The following ADAMTS17 variants were observed in gnomAD, a reference collection of about 807,000 sequenced individuals.
ADAMTS17 encodes ADAM metallopeptidase with thrombospondin type 1 motif 17, also known as A disintegrin and metalloproteinase with thrombospondin motifs 17.
ADAMTS17 carries 113 observed loss-of-function variants against 141.5 expected under a neutral mutation model. That is an observed-to-expected ratio of 0.80 (90% confidence interval 0.69 to 0.93). The LOEUF (loss-of-function observed/expected upper bound fraction) is 0.93, where lower values mean the gene tolerates loss of function less well. Among genes scored for constraint, ADAMTS17 ranks in the 40% least tolerant of loss-of-function variants. ADAMTS17 has a pLI of 0.00. For missense variants in ADAMTS17, 1,659 were observed against 1,517.9 expected (o/e 1.09, Z -1.54); for synonymous variants, 768 against 630.6 (o/e 1.22, Z -3.27).
intron 16 of ADAMTS17, among the ~76,000 whole-genome samples, chr15:100,052,562 G>A (rs1201531740): frequency 6.6e-6 from 1 of 152,186 alleles, no homozygotes; most frequent in Non-Finnish European, 1.5e-5. Context: ...TGGTGAAAAG[G>A]GAAATACATT....
chr15:100,318,721 G>A lies in ADAMTS17; in HGVS notation c.616+12168C>T, dbSNP rs76106888. Among the ~76,000 whole-genome samples the A allele has an allele frequency of 2.7e-3, 404 of 152,332 alleles. 3 individuals are homozygous for A. Among genetic ancestry groups the A allele is most frequent in the Admixed American group, 6.1e-3 (93 of 15,310 alleles). On this transcript the variant is annotated intron_variant, in intron 3 of 21. Coordinates refer to ENST00000268070, the MANE Select transcript of ADAMTS17 (RefSeq NM_139057.4). Reference sequence around the variant, plus strand: ...GGAAAATCTCCTGTTCCAGAAAGGTGAAGAAATCTCACGCCTGTAAGTGAG... The same window carrying A: ...GGAAAATCTCCTGTTCCAGAAAGGTAAAGAAATCTCACGCCTGTAAGTGAG...
At chr15:100,326,300 G>A (rs989012886) in intron 3 of ADAMTS17, among the ~76,000 whole-genome samples, 3 of 152,130 alleles carry the variant, frequency 2.0e-5, no homozygotes, top group Non-Finnish European at 2.9e-5. Flanking sequence ...AGAAGGACAG[G>A]AAAGACTCCA....
chr15:100,297,063 C>A (rs148927868), intron 3 of ADAMTS17, among the ~76,000 whole-genome samples: 259 of 152,200 alleles, frequency 1.7e-3, no homozygotes, highest in African/African-American at 6.0e-3. Context: ...AAAGCCTTCC[C>A]CAAGGCAGTG....
intron 7 of ADAMTS17, among the ~76,000 whole-genome samples, chr15:100,240,846 G>T (rs1274131216): frequency 6.6e-6 from 1 of 152,040 alleles, no homozygotes; most frequent in Admixed American, 6.6e-5. Context: ...TCTTTTTTGA[G>T]ACAGAGTCTC....
chr15:100,170,921 TA>T (rs1488805109), intron 8 of ADAMTS17, among the ~76,000 whole-genome samples: 1 of 152,134 alleles, frequency 6.6e-6, no homozygotes, highest in African/African-American at 2.4e-5. Flanking sequence ...ATTGAGTCAC[TA>T]AAATAAGTAC....
chr15:100,115,708 T>C (rs2037072850), intron 13 of ADAMTS17, among the ~76,000 whole-genome samples: 1 of 152,150 alleles, frequency 6.6e-6, no homozygotes, highest in South Asian at 2.1e-4. Flanking sequence ...GCTCTTCCCA[T>C]CACAGGGAAG....
chr15:100,301,586 C>T (rs2045039484), intron 3 of ADAMTS17, among the ~76,000 whole-genome samples: 1 of 151,690 alleles, frequency 6.6e-6, no homozygotes, highest in Admixed American at 6.6e-5. Flanking sequence ...CCACCTCAGC[C>T]TCCCAAAGCG....
chr15:100,027,842 C>A (rs2061546085), intron 18 of ADAMTS17, among the ~76,000 whole-genome samples: 1 of 152,042 alleles, frequency 6.6e-6, no homozygotes, highest in Non-Finnish European at 1.5e-5. Flanking sequence ...TCATGCAGAC[C>A]CTGAGAACTG....
At chr15:100,202,380 C>A (rs1379634028) in intron 7 of ADAMTS17, among the ~76,000 whole-genome samples, 1 of 152,074 alleles carries the variant, frequency 6.6e-6, no homozygotes, top group African/African-American at 2.4e-5. Flanking sequence ...GGATCAAGGT[C>A]GAGTGCTTTT....
At chr15:100,007,030 C>A (rs2061049456) in intron 18 of ADAMTS17, among the ~76,000 whole-genome samples, 1 of 152,188 alleles carries the variant, frequency 6.6e-6, no homozygotes, top group South Asian at 2.1e-4. Context: ...GGCTGGGACA[C>A]CTGACTCAGT....
Position 100,047,273 on chromosome 15 carries a change from T to TTTAA in ADAMTS17, c.2591+1583_2591+1584insTTAA, listed in dbSNP as rs201877603. Among the ~76,000 whole-genome samples, 100 of 125,642 alleles carry TTTAA rather than the reference T, an allele frequency of 8.0e-4. 3 individuals carry two copies. The highest frequency in any genetic ancestry group is 1.0e-3 in the Non-Finnish European group (65 of 62,160). The allele number at this position is 125,642 out of a possible 152,430, so 82.4% of individuals were successfully genotyped here. On this transcript the variant is annotated intron_variant, in intron 18 of 21. Coordinates refer to ENST00000268070, the MANE Select transcript of ADAMTS17 (RefSeq NM_139057.4). The stretch of plus-strand genomic sequence containing the variant: ...TGGTGCCCGAAACTTCATTAGCAAT[T>TTTAA]TTTCGCCCCGGTCCTGTGGTCCTGT...
chr15:100,060,182 C>A (rs1408141465), intron 15 of ADAMTS17, among the ~76,000 whole-genome samples: 2 of 152,214 alleles, frequency 1.3e-5, no homozygotes, highest in Non-Finnish European at 2.9e-5. Context: ...TTGCTCATTT[C>A]GCCTGGGCCA....
chr15:100,097,864 T>C (rs554113637), intron 14 of ADAMTS17, among the ~76,000 whole-genome samples: 8 of 152,194 alleles, frequency 5.3e-5, no homozygotes, highest in African/African-American at 1.9e-4. Flanking sequence ...TCAGGTCTCA[T>C]CCTCGGAGCC....
intron 3 of ADAMTS17, among the ~76,000 whole-genome samples, chr15:100,328,436 C>T (rs2141942328): frequency 6.6e-6 from 1 of 152,304 alleles, no homozygotes; most frequent in Middle Eastern, 3.4e-3. Context: ...GTCTGTGTTC[C>T]TGACTAGTGC....
At chr15:100,109,980 C>T (rs1200276866) in intron 13 of ADAMTS17, among the ~76,000 whole-genome samples, 2 of 151,844 alleles carry the variant, frequency 1.3e-5, no homozygotes, top group Non-Finnish European at 2.9e-5. Flanking sequence ...TGTTTGGGCA[C>T]CTCCCATATC....
chr15:100,085,628 T>A (rs1177407089), intron 15 of ADAMTS17, among the ~76,000 whole-genome samples: 1 of 151,944 alleles, frequency 6.6e-6, no homozygotes, highest in African/African-American at 2.4e-5. Context: ...AAGCCCATCA[T>A]CAGACGAAGA....
At chr15:100,242,007 T>C (rs77764417) in intron 7 of ADAMTS17, among the ~76,000 whole-genome samples, 1,749 of 152,254 alleles carry the variant, frequency 0.011, 17 homozygotes, top group Non-Finnish European at 0.018. Flanking sequence ...TCTGTAGAAA[T>C]TGAGGTTAAA....
chr15:100,037,673 T>A (rs2030873489), intron 18 of ADAMTS17, among the ~76,000 whole-genome samples: 1 of 151,686 alleles, frequency 6.6e-6, no homozygotes, highest in Non-Finnish European at 1.5e-5. Context: ...CCTCCCAAAG[T>A]GCTGGGATTA....
At chr15:100,224,156 C>G (rs2042227687) in intron 7 of ADAMTS17, among the ~76,000 whole-genome samples, 1 of 152,134 alleles carries the variant, frequency 6.6e-6, no homozygotes, top group African/African-American at 2.4e-5. Flanking sequence ...ACAGACACAC[C>G]CAGGATTAAT....
Sources: allele counts gnomAD v4.1 joint callset (sites outside exome capture counted in the v4.1 genomes callset), GRCh38; gene constraint gnomAD v4.1.1; transcripts MANE v1.5; gene names NCBI Gene and HGNC (gene_info 2026-07-23, HGNC 2026-07-21).